The following MORC1 variants were observed in gnomAD, a reference collection of about 807,000 sequenced individuals.
MORC1 encodes MORC family CW-type zinc finger protein 1.
A neutral mutation model predicts 134.9 loss-of-function variants in MORC1; 59 were observed. The ratio of observed to expected loss-of-function variants is 0.44; its 90% CI spans 0.35 to 0.54. MORC1 has a LOEUF of 0.54. MORC1 is among the 20% of genes least tolerant of loss of function. The pLI is 0.00. For synonymous variants in MORC1, 395 were observed against 391.7 expected (o/e 1.01, Z -0.10); for missense variants, 947 against 1,134.5 (o/e 0.83, Z 2.37).
intron 9 of MORC1, among the ~76,000 whole-genome samples, chr3:109,063,768 A>G (rs1433930863): frequency 6.6e-6 from 1 of 152,216 alleles, no homozygotes; most frequent in Non-Finnish European, 1.5e-5. Flanking sequence ...CTCTAGAACA[A>G]TAAAGGAAAA....
chr3:109,081,363 G>A (rs1356434844), intron 8 of MORC1, among the ~76,000 whole-genome samples: 1 of 151,416 alleles, frequency 6.6e-6, no homozygotes, highest in South Asian at 2.1e-4. Context: ...ATTAATACCA[G>A]CAATACCACA....
chr3:108,962,136 A>G (rs1283408143), intron 27 of MORC1, among the ~76,000 whole-genome samples: 1 of 152,232 alleles, frequency 6.6e-6, no homozygotes, highest in African/African-American at 2.4e-5. Flanking sequence ...TATGGTTGAT[A>G]GAAGCGCAAA....
At chr3:108,986,662 T>C (rs1248078453) in intron 22 of MORC1, among the ~76,000 whole-genome samples, 2 of 152,090 alleles carry the variant, frequency 1.3e-5, no homozygotes, top group Non-Finnish European at 2.9e-5. Context: ...GGGGACACTG[T>C]CCTCAGCCAG....
At chr3:109,034,818 A>G (rs1949336249) in intron 15 of MORC1, among the ~76,000 whole-genome samples, 2 of 152,120 alleles carry the variant, frequency 1.3e-5, no homozygotes, top group African/African-American at 4.8e-5. Context: ...GCACAATCAC[A>G]GCTCACCACA....
Position 109,118,119 on chromosome 3 carries a change from G to T in MORC1, c.-60C>A. 1.3e-6 allele frequency: 2 copies of T among 1,553,182 alleles called. No individual in the cohort carries two copies. Among genetic ancestry groups the T allele is most frequent in the Middle Eastern group, 1.7e-4 (1 of 5,972 alleles). On this transcript the variant is annotated 5_prime_UTR_variant, in exon 1 of 28. Transcript: ENST00000232603. ...AAGGACACCTGACCGGCAGCCGTTC[G>T]CCTGCGCCCGCGCCCACTCCCACGC...
chr3:109,075,959 C>T lies in MORC1; in HGVS notation c.690-6202G>A, dbSNP rs181588944. On this transcript the variant is annotated intron_variant, in intron 8 of 27. Transcript: ENST00000232603. The stretch of plus-strand genomic sequence containing the variant: ...GGAATGAAAACACCAAAAGCAATGG[C>T]GACAAAAGCCAAAATTGACAAATGG... 9.9e-5 allele frequency among the ~76,000 whole-genome samples: 15 copies of T among 152,066 alleles called. No individual in the cohort carries two copies. The East Asian group carries it at 2.3e-3, about 23-fold the overall frequency.
At chr3:109,048,342 TA>T (rs1949743739) in intron 14 of MORC1, among the ~76,000 whole-genome samples, 1 of 152,224 alleles carries the variant, frequency 6.6e-6, no homozygotes, top group Admixed American at 6.5e-5. Flanking sequence ...AAACAGTACT[TA>T]CTTTTAGAAA....
intron 6 of MORC1, among the ~76,000 whole-genome samples, 162 bp downstream of exon 6, chr3:109,099,196 G>C (rs1207290097): frequency 6.6e-6 from 1 of 152,118 alleles, no homozygotes; most frequent in Admixed American, 6.5e-5. Flanking sequence ...ACAGGTCTTT[G>C]ATGTCCCCAG....
chr3:109,093,175 C>G (rs1345334199), intron 8 of MORC1, among the ~76,000 whole-genome samples: 1 of 152,090 alleles, frequency 6.6e-6, no homozygotes, highest in East Asian at 1.9e-4. Flanking sequence ...AAGACTGATT[C>G]CTAGGCTTGG....
chr3:109,001,006 T>C (rs1002382866), intron 20 of MORC1, among the ~76,000 whole-genome samples: 1 of 152,252 alleles, frequency 6.6e-6, no homozygotes, highest in African/African-American at 2.4e-5. Flanking sequence ...TAAAATCTGA[T>C]TAAATTCATT....
intron 14 of MORC1, among the ~76,000 whole-genome samples, chr3:109,037,447 T>G (rs1330405337): frequency 6.6e-6 from 1 of 152,252 alleles, no homozygotes; most frequent in Non-Finnish European, 1.5e-5. Flanking sequence ...TGTGTTTGTG[T>G]GTTTTTAATT....
intron 22 of MORC1, 99 bp from the exon 23 acceptor site, chr3:108,984,881 T>C (rs1576596892): frequency 3.7e-6 from 3 of 803,058 alleles, no homozygotes; most frequent in Non-Finnish European, 5.8e-6. Flanking sequence ...CTGTATAATA[T>C]GGATTTGTAT....
chr3:109,088,192 A>G (rs1272015273), intron 8 of MORC1, among the ~76,000 whole-genome samples: 2 of 152,140 alleles, frequency 1.3e-5, no homozygotes, highest in Non-Finnish European at 1.5e-5. Context: ...AAGATACCAA[A>G]AGCTATTACA....
intron 27 of MORC1, among the ~76,000 whole-genome samples, chr3:108,962,850 A>G (rs949160956): frequency 1.3e-5 from 2 of 152,206 alleles, no homozygotes; most frequent in Non-Finnish European, 1.5e-5. Flanking sequence ...CCATACTTAC[A>G]TGATGTTTCC....
intron 18 of MORC1, 120 bp downstream of exon 18, chr3:109,006,909 C>A: frequency 1.7e-6 from 1 of 573,484 alleles, no homozygotes; most frequent in Non-Finnish European, 2.9e-6. Context: ...CAGTTAAAAT[C>A]TACTAGTGCT....
chr3:109,029,838 A>T (rs560260788), intron 16 of MORC1, among the ~76,000 whole-genome samples: 9 of 152,338 alleles, frequency 5.9e-5, no homozygotes, highest in African/African-American at 2.2e-4. Context: ...CTTCCAACAG[A>T]CAATGTGATA....
intron 17 of MORC1, among the ~76,000 whole-genome samples, chr3:109,014,844 A>G (rs933765331): frequency 6.6e-6 from 1 of 152,230 alleles, no homozygotes; most frequent in African/African-American, 2.4e-5. Flanking sequence ...TGTATGTCTC[A>G]ACTACATTTT....
At position 109,103,833 on chromosome 3, in the gene MORC1, T is replaced by C. The variant is rs1210120042; in HGVS notation, c.223+16A>G. The C allele has an allele frequency of 4.4e-6, 7 of 1,603,690 alleles. No individual in the cohort carries two copies. In the Middle Eastern group the frequency reaches 5.0e-4, roughly 114 times the overall value. On this transcript the variant is annotated intron_variant, in intron 4 of 27. Transcript: ENST00000232603. ...TTCCTTTAACAGCCAGTTAGGTATCTAGATAATTAACTTACCAGGGCTCAT... is the reference window on the plus strand; with the variant it reads ...TTCCTTTAACAGCCAGTTAGGTATCCAGATAATTAACTTACCAGGGCTCAT...
At position 109,118,099 on chromosome 3, in the gene MORC1, C is replaced by CT. The variant is rs1187561861; in HGVS notation, c.-41_-40insA. On this transcript the variant is annotated 5_prime_UTR_variant, in exon 1 of 28. Transcript: ENST00000232603. ...CCCGCGCAACTCAAGGGGACAAGGA[C>CT]ACCTGACCGGCAGCCGTTCGCCTGC... The CT allele has an allele frequency of 6.3e-7, 1 of 1,584,312 alleles. No homozygotes were observed. The highest frequency in any genetic ancestry group is 8.6e-7 in the Non-Finnish European group (1 of 1,163,228).
Sources: allele counts gnomAD v4.1 joint callset (sites outside exome capture counted in the v4.1 genomes callset), GRCh38; gene constraint gnomAD v4.1.1; transcripts MANE v1.5; gene names NCBI Gene and HGNC (gene_info 2026-07-23, HGNC 2026-07-21).